TMEM231: variants seen among roughly 807,000 people sequenced by gnomAD.
The protein encoded by TMEM231 is transmembrane protein 231.
Under a neutral mutation model 38.5 loss-of-function variants are expected in TMEM231, and 40 were observed. That is an observed-to-expected ratio of 1.04 (90% CI 0.81 to 1.35). The LOEUF (loss-of-function observed/expected upper bound fraction) is 1.35, where lower values mean the gene tolerates loss of function less well. Among genes scored for constraint, TMEM231 ranks in the 40% most tolerant of loss-of-function variants. TMEM231 has a pLI of 0.00. For missense variants in TMEM231, 420 were observed against 416.9 expected (o/e 1.01, Z -0.07); for synonymous variants, 199 against 181.7 (o/e 1.10, Z -0.77).
intron 2 of TMEM231, among the ~76,000 whole-genome samples, chr16:75,547,906 T>C (rs1055398145): frequency 1.3e-5 from 2 of 152,164 alleles, no homozygotes; most frequent in African/African-American, 2.4e-5. Context: ...ATCTTTAGGG[T>C]TGGACAGGAA....
intron 4 of TMEM231, 50 bp downstream of exon 4, chr16:75,545,302 A>T: frequency 6.3e-7 from 1 of 1,576,270 alleles, no homozygotes; most frequent in Non-Finnish European, 8.6e-7. Flanking sequence ...GAACTTAATG[A>T]ACAGTAACAC....
At chr16:75,554,399 T>C (rs2151708976) in intron 2 of TMEM231, among the ~76,000 whole-genome samples, 1 of 151,900 alleles carries the variant, frequency 6.6e-6, no homozygotes, top group East Asian at 1.9e-4. Flanking sequence ...ACCCCTTCTC[T>C]ACTAAAAATC....
At chr16:75,555,018 G>C (rs943898748) in intron 2 of TMEM231, 1 of 152,116 alleles carries the variant, frequency 6.6e-6, no homozygotes, top group Admixed American at 6.5e-5. Flanking sequence ...AATCATCTTA[G>C]ATATGTCTGA....
intron 2 of TMEM231, chr16:75,555,388 C>T (rs910156654): frequency 5.8e-6 from 1 of 173,544 alleles, no homozygotes; most frequent in African/African-American, 2.4e-5. Context: ...CCTTTCCGTT[C>T]CTATAGTGGT....
In TMEM231 at chr16:75,556,174, C is replaced by A; in HGVS notation, c.36G>T (p.Glu12Asp). The A allele has an allele frequency of 6.5e-7, 1 of 1,535,424 alleles. No homozygotes were observed. Residue 12 changes from glutamate (E) to aspartate (D), a missense_variant, in exon 1 of 7, where the codon GAG becomes GAT. Glu to Asp is a conservative substitution (Grantham distance 45). Coordinates refer to ENST00000258173, the MANE Select transcript of TMEM231 (RefSeq NM_001077418.3). ...AGCAGAGCCCCGCGCGGTAACTGCG[C>A]TCGACCGGGTGAGAGAAGAGCTCAT... Reference protein sequence around the residue: ...ALYELFSHPVERSYRAGLCSK... With the variant: ...ALYELFSHPVDRSYRAGLCSK...
intron 6 of TMEM231, 39 bp from the exon 7 acceptor site, chr16:75,540,213 A>C (rs374909332): frequency 3.2e-5 from 50 of 1,557,276 alleles, no homozygotes; most frequent in South Asian, 4.9e-5. Flanking sequence ...CATGGTGTTA[A>C]GTATGAAGAG....
intron 4 of TMEM231, among the ~76,000 whole-genome samples, chr16:75,544,946 T>TTC (rs9319487): frequency 0.19 from 20,424 of 105,200 alleles, 3,185 homozygotes; most frequent in East Asian, 0.57. Flanking sequence ...TTCTTTTCTT[T>TTC]TTCTTTTTTT....
At chr16:75,543,792 CA>C (rs1416458280) in intron 4 of TMEM231, among the ~76,000 whole-genome samples, 4 of 152,130 alleles carry the variant, frequency 2.6e-5, no homozygotes, top group African/African-American at 9.7e-5. Context: ...GACATTCAAA[CA>C]AAAAGTGCCA....
chr16:75,543,508 T>G (rs2080650595), intron 4 of TMEM231, among the ~76,000 whole-genome samples: 1 of 152,078 alleles, frequency 6.6e-6, no homozygotes, highest in Admixed American at 6.6e-5. Context: ...AGACAGAGGT[T>G]GCAGTGAGCC....
intron 4 of TMEM231, among the ~76,000 whole-genome samples, chr16:75,542,947 C>T (rs2080644675): frequency 6.6e-6 from 1 of 152,210 alleles, no homozygotes; most frequent in African/African-American, 2.4e-5. Context: ...TCTCTTGCAA[C>T]AATTTAAGCC....
intron 2 of TMEM231, among the ~76,000 whole-genome samples, chr16:75,551,249 G>T (rs1366857670): frequency 6.6e-6 from 1 of 152,062 alleles, no homozygotes; most frequent in Non-Finnish European, 1.5e-5. Context: ...AAAGGCTAGA[G>T]TGCAGTGGCA....
chr16:75,552,265 C>T (rs565547685), intron 2 of TMEM231, among the ~76,000 whole-genome samples: 15 of 152,244 alleles, frequency 9.9e-5, no homozygotes, highest in African/African-American at 2.9e-4. Flanking sequence ...ACCAGCCTGG[C>T]CAACATGGTA....
intron 2 of TMEM231, among the ~76,000 whole-genome samples, chr16:75,550,717 CTT>C (rs35806847): frequency 0.15 from 21,135 of 138,604 alleles, 1,557 homozygotes; most frequent in Middle Eastern, 0.24. Context: ...AAGTCGTATT[CTT>C]TTTTTTTTTT....
In TMEM231 at chr16:75,550,506, G is replaced by A. The variant is rs577792738; in HGVS notation, c.310-4552C>T. 5.3e-5 allele frequency among the ~76,000 whole-genome samples: 8 copies of A among 152,302 alleles called. No homozygotes were observed. In the South Asian group the frequency reaches 6.2e-4, roughly 12 times the overall value. ...CTCAGCAGGAACCTGGAAGCTGAGC[G>A]TAGGAGGGTGGGTTTGGAGCTGAGA... On this transcript the variant is annotated intron_variant, in intron 2 of 6. Transcript: ENST00000258173.
intron 2 of TMEM231, 194 bp downstream of exon 2, chr16:75,555,609 TG>T: frequency 1.9e-6 from 1 of 536,796 alleles, no homozygotes; most frequent in Non-Finnish European, 3.1e-6. Context: ...CGGGGACATC[TG>T]GGAGAAGCAG....
rs1225465933 is a variant in TMEM231 at position 75,555,846 on chromosome 16, G to A, written c.267C>T (p.Phe89=). ...GCAGGCGATCCCCTTGCAGCCGGTT[G>A]AAGGCGGGGAACGTGCTCCAGGCGA... ...GFLAWSTFPA[F]NRLQGDRLRV... The change falls in exon 2 of 7, where the codon TTC becomes TTT. Residue 89 remains phenylalanine (F), a synonymous_variant. Coordinates refer to ENST00000258173, the MANE Select transcript of TMEM231 (RefSeq NM_001077418.3). 1.3e-6 allele frequency: 2 copies of A among 1,579,902 alleles called. No individual in the cohort carries two copies. The highest frequency in any genetic ancestry group is 1.7e-6 in the Non-Finnish European group (2 of 1,163,104).
rs897003269 is a variant in TMEM231 at position 75,543,270 on chromosome 16, TA to T, written c.583-588del. ...TTCATCTCTCAAAAAAAAATAAAAA[TA>T]AAAAAAAATAAAAAGCCAGGCATGG... On this transcript the variant is annotated intron_variant, in intron 4 of 6. Transcript: ENST00000258173. Among the ~76,000 whole-genome samples, 242 of 149,280 alleles carry T rather than the reference TA, an allele frequency of 1.6e-3. 3 individuals are homozygous for T. Among genetic ancestry groups the T allele is most frequent in the African/African-American group, 5.1e-3 (206 of 40,630 alleles).
rs1231723962 is a variant in TMEM231, at chr16:75,545,300, T to C, written c.582+52A>G. 1.3e-5 allele frequency: 20 copies of C among 1,572,902 alleles called. No individual in the cohort carries two copies. In the East Asian group the frequency reaches 1.6e-4, roughly 12 times the overall value. On this transcript the variant is annotated intron_variant, in intron 4 of 6. Coordinates refer to ENST00000258173, the MANE Select transcript of TMEM231 (RefSeq NM_001077418.3). ...TCATTCCCCTCTTTAAAGAACTTAA[T>C]GAACAGTAACACAGAGAAACAAAGG...
intron 2 of TMEM231, among the ~76,000 whole-genome samples, chr16:75,548,525 C>T (rs1162684033): frequency 2.6e-5 from 4 of 152,234 alleles, no homozygotes; most frequent in East Asian, 3.9e-4. Flanking sequence ...TGACAAGTGC[C>T]GCTGACAGAA....
Sources: allele counts gnomAD v4.1 joint callset (sites outside exome capture counted in the v4.1 genomes callset), GRCh38; gene constraint gnomAD v4.1.1; transcripts MANE v1.5; gene names NCBI Gene and HGNC (gene_info 2026-07-23, HGNC 2026-07-21).